The following TENT5A variants were observed in gnomAD, a reference collection of about 807,000 sequenced individuals.
The protein encoded by TENT5A is HBV X-transactivated gene 11 protein.
In TENT5A, 9 loss-of-function variants were observed where a neutral mutation model predicts 30.2. The observed-to-expected ratio is 0.30, with a 90% CI of 0.18 to 0.52. The LOEUF (loss-of-function observed/expected upper bound fraction) is 0.52, where lower values mean the gene tolerates loss of function less well. Ranked by LOEUF, TENT5A falls within the 20% of genes least tolerant of loss-of-function variation. The probability of loss-of-function intolerance (pLI) is 0.97; values close to 1 mark genes in which losing one functional copy is unlikely to be tolerated. For missense variants in TENT5A, 411 were observed against 566.1 expected, an observed-to-expected ratio of 0.73 and a Z score of 2.78; for synonymous variants, 264 against 234.2, an observed-to-expected ratio of 1.13 and a Z score of -1.16.
Position 81,748,342 on chromosome 6 carries a change from CA to C in TENT5A, c.*1352del. 1.0e-6 allele frequency: 1 copy of C among 971,062 alleles called. No individual in the cohort carries two copies. Among genetic ancestry groups the C allele is most frequent in the Non-Finnish European group, 1.2e-6 (1 of 825,892 alleles). 60.2% of individuals were successfully genotyped at this position (971,062 alleles called of 1,614,324 possible). On this transcript the variant is annotated 3_prime_UTR_variant, in exon 3 of 3. Coordinates refer to ENST00000320172, the MANE Select transcript of TENT5A (RefSeq NM_017633.3). ...TTCAATATAAAAAAGAGTGCTCTGC[CA>C]AACAAATATTCTCCCATTTGTGGAA...
In TENT5A at chr6:81,750,440, C is replaced by A; in HGVS notation, c.584G>T (p.Cys195Phe). The A allele has an allele frequency of 6.4e-7, 1 of 1,571,528 alleles. No homozygotes were observed. The highest frequency in any genetic ancestry group is 1.4e-5 in the African/African-American group (1 of 73,210). ...AAGACTCCATCGGTCAGAGTCATTG[C>A]ACACTTTAACCATTTTCTGCACATA... is the stretch of plus-strand genomic sequence containing the variant. ...EAYVQKMVKV[C>F]NDSDRWSLIS... is the part of the protein sequence containing the mutation. Residue 195 changes from cysteine to phenylalanine, a missense_variant, in exon 3 of 3, where the codon TGC becomes TTC. Coordinates refer to ENST00000320172, the MANE Select transcript of TENT5A (RefSeq NM_017633.3). This position sits in a 1 kb window ranked among gnomAD's most constrained non-coding sequence, Gnocchi z 4.2.
In TENT5A at chr6:81,752,425, T is replaced by A. The variant is rs1324608116; in HGVS notation, c.-38+6A>T. 6.5e-7 allele frequency: 1 copy of A among 1,550,014 alleles called. No individual in the cohort carries two copies. Reference sequence around the variant, plus strand: ...AAAGCGCAAGCGAGAGTCCCGTCTGTGTCACCTGGAGGCGGCCGCCCCTTC... The same window carrying A: ...AAAGCGCAAGCGAGAGTCCCGTCTGAGTCACCTGGAGGCGGCCGCCCCTTC... On this transcript the variant is annotated splice_donor_region_variant and intron_variant, in intron 1 of 2. Transcript: ENST00000320172.
chr6:81,747,264 A>C lies in TENT5A; in HGVS notation c.*2431T>G. The C allele has an allele frequency of 3.0e-6, 3 of 985,776 alleles. No homozygotes were observed. In the South Asian group the frequency reaches 1.4e-4, roughly 46 times the overall value. The allele number at this position is 985,776 out of a possible 1,614,324, so 61.1% of individuals were successfully genotyped here. A position where few individuals can be genotyped will look rare whatever the true frequency, so the allele number is the denominator to read the frequency against. Reference sequence around the variant, plus strand: ...TCAGAAAACTTTGAAACAACTAAGCAGGCGGAGCTCTGGTTTCTGATAGGT... The same window carrying C: ...TCAGAAAACTTTGAAACAACTAAGCCGGCGGAGCTCTGGTTTCTGATAGGT... On this transcript the variant is annotated 3_prime_UTR_variant, in exon 3 of 3. Transcript: ENST00000320172.
Position 81,746,199 on chromosome 6 carries a change from T to C in TENT5A, c.*3496A>G. The stretch of plus-strand genomic sequence containing the variant: ...TAGATGCTATATATGAAATTACTTT[T>C]TTTGGCTTTTTGGTTTCACCTAACA... On this transcript the variant is annotated 3_prime_UTR_variant, in exon 3 of 3. Transcript: ENST00000320172. 9.3e-7 allele frequency: 1 copy of C among 1,070,702 alleles called. No homozygotes were observed. Among genetic ancestry groups the C allele is most frequent in the Non-Finnish European group, 1.1e-6 (1 of 885,676 alleles). 66.3% of individuals were successfully genotyped at this position (1,070,702 alleles called of 1,614,324 possible).
At chr6:81,752,355 C>A in intron 1 of TENT5A, 76 bp downstream of exon 1, 5 of 1,549,692 alleles carry the variant, frequency 3.2e-6, no homozygotes, top group Non-Finnish European at 4.4e-6. Flanking sequence ...GCGCACCGCG[C>A]CCCGCAGAGC....
chr6:81,746,475 T>C lies in TENT5A; in HGVS notation c.*3220A>G. ...CATCCTTGCATTTTTGGAGCTACAT[T>C]ATTAGTCCATCCAATACCAAAGTGA... On this transcript the variant is annotated 3_prime_UTR_variant, in exon 3 of 3. Coordinates refer to ENST00000320172, the MANE Select transcript of TENT5A (RefSeq NM_017633.3). 1 of 1,232,040 alleles carries C rather than the reference T, an allele frequency of 8.1e-7. No individual in the cohort carries two copies. Among genetic ancestry groups the C allele is most frequent in the Non-Finnish European group, 1.0e-6 (1 of 987,862 alleles). 76.3% of individuals were successfully genotyped at this position (1,232,040 alleles called of 1,614,324 possible). A position where few individuals can be genotyped will look rare whatever the true frequency, so the allele number is the denominator to read the frequency against.
rs768814618 is a variant in TENT5A at position 81,749,976 on chromosome 6, G to A, written c.1048C>T (p.Arg350Cys). 6 of 1,614,060 alleles carry A rather than the reference G, an allele frequency of 3.7e-6. No individual in the cohort carries two copies. The highest frequency in any genetic ancestry group is 3.3e-5 in the South Asian group (3 of 91,074). Residue 350 changes from arginine (R) to cysteine (C), a missense_variant, in exon 3 of 3, where the codon CGC (arginine) becomes TGC (cysteine). Arg to Cys is a radical substitution (Grantham distance 180). This residue lies in a region of TENT5A where 135 missense variants were observed against 240.0 expected (regional missense o/e 0.56). Transcript: ENST00000320172. ...AGGGTCATGAGATACTCATACTTGCGGTCTTCCAATCCCACAAAGTGGTTC... is the reference window on the plus strand; with the variant it reads ...AGGGTCATGAGATACTCATACTTGCAGTCTTCCAATCCCACAAAGTGGTTC... Reference protein sequence around the residue: ...LQNHFVGLEDRKYEYLMTLHG... With the variant: ...LQNHFVGLEDCKYEYLMTLHG...
chr6:81,752,055 G>GCCGCCGAAGTCGCCA lies in TENT5A; in HGVS notation c.86_87insTGGCGACTTCGGCGG (p.Asp41_Gly45dup). 6.3e-7 allele frequency: 1 copy of GCCGCCGAAGTCGCCA among 1,598,386 alleles called. No homozygotes were observed. The stretch of plus-strand genomic sequence containing the variant: ...CGAAGTCGCCGCCGCCGAAGTCGCC[G>GCCGCCGAAGTCGCCA]CCGCCGAAGTCGCCGCCTAGGGGGA... On this transcript the variant is annotated inframe_insertion, in exon 2 of 3. Transcript: ENST00000320172.
chr6:81,748,785 T>C lies in TENT5A; in HGVS notation c.*910A>G, dbSNP rs1373402854. On this transcript the variant is annotated 3_prime_UTR_variant, in exon 3 of 3. Coordinates refer to ENST00000320172, the MANE Select transcript of TENT5A (RefSeq NM_017633.3). ...CTCCACCATTCACAAGCTTATGTTA[T>C]TTTCTTCTTGAGGCAGTCCCTGATA... is the stretch of plus-strand genomic sequence containing the variant. 1.0e-6 allele frequency: 1 copy of C among 985,590 alleles called. No individual in the cohort carries two copies. The highest frequency in any genetic ancestry group is 1.2e-6 in the Non-Finnish European group (1 of 829,802). The allele number at this position is 985,590 out of a possible 1,614,324, so 61.1% of individuals were successfully genotyped here.
chr6:81,745,907 T>G lies in TENT5A; in HGVS notation c.*3788A>C. On this transcript the variant is annotated 3_prime_UTR_variant, in exon 3 of 3. Coordinates refer to ENST00000320172, the MANE Select transcript of TENT5A (RefSeq NM_017633.3). ...CTATAGTCAAAATATTCCAAAAGAG[T>G]GACCCAAGGTGCAGCTTGCTGCAAC... 4.1e-6 allele frequency: 4 copies of G among 985,336 alleles called. No homozygotes were observed. Among genetic ancestry groups the G allele is most frequent in the Non-Finnish European group, 4.8e-6 (4 of 829,924 alleles). 61.0% of individuals were successfully genotyped at this position (985,336 alleles called of 1,614,324 possible).
At position 81,749,674 on chromosome 6, in the gene TENT5A, C is replaced by T. The variant is rs754508310; in HGVS notation, c.*21G>A. 3 of 1,585,252 alleles carry T rather than the reference C, an allele frequency of 1.9e-6. No homozygotes were observed. In the East Asian group the frequency reaches 6.8e-5, roughly 36 times the overall value. ...TGTCTTGTCTGAAATGGCTTCCCCACAGGACATTTTTAAATGATTCTTAAT... is the reference window on the plus strand; with the variant it reads ...TGTCTTGTCTGAAATGGCTTCCCCATAGGACATTTTTAAATGATTCTTAAT... On this transcript the variant is annotated 3_prime_UTR_variant, in exon 3 of 3. Coordinates refer to ENST00000320172, the MANE Select transcript of TENT5A (RefSeq NM_017633.3).
Position 81,747,713 on chromosome 6 carries a change from G to T in TENT5A, c.*1982C>A, listed in dbSNP as rs1389711212. 4 of 985,726 alleles carry T rather than the reference G, an allele frequency of 4.1e-6. No homozygotes were observed. The African/African-American group carries it at 7.0e-5, about 17-fold the overall frequency. The allele number at this position is 985,726 out of a possible 1,614,324, so 61.1% of individuals were successfully genotyped here. Reference sequence around the variant, plus strand: ...TAGCAAGCAGTCATCCACTAAGGTTGTGGAGATTATGTGGTTGTTTCACAA... The same window carrying T: ...TAGCAAGCAGTCATCCACTAAGGTTTTGGAGATTATGTGGTTGTTTCACAA... On this transcript the variant is annotated 3_prime_UTR_variant, in exon 3 of 3. Coordinates refer to ENST00000320172, the MANE Select transcript of TENT5A (RefSeq NM_017633.3).
Position 81,747,964 on chromosome 6 carries a change from C to T in TENT5A, c.*1731G>A. On this transcript the variant is annotated 3_prime_UTR_variant, in exon 3 of 3. Coordinates refer to ENST00000320172, the MANE Select transcript of TENT5A (RefSeq NM_017633.3). ...ATTTAATGGAAAGCGATTTAAAGTA[C>T]AGTACTAAATATTTAAATGCAGTGT... 3.0e-6 allele frequency: 3 copies of T among 984,282 alleles called. No individual in the cohort carries two copies. Among genetic ancestry groups the T allele is most frequent in the South Asian group, 4.7e-5 (1 of 21,240 alleles). 61.0% of individuals were successfully genotyped at this position (984,282 alleles called of 1,614,324 possible).
rs558323907 is a variant in TENT5A, at chr6:81,746,553, T to A, written c.*3142A>T. 5.0e-5 allele frequency: 61 copies of A among 1,231,994 alleles called. 1 individual carries two copies. In the East Asian group the frequency reaches 1.7e-3, roughly 35 times the overall value. 76.3% of individuals were successfully genotyped at this position (1,231,994 alleles called of 1,614,324 possible). ...GGAAATGTCCATCTTGGTGTAGGAG[T>A]TCTTGAGGCAGCTGGATTTACTGCA... is the stretch of plus-strand genomic sequence containing the variant. On this transcript the variant is annotated 3_prime_UTR_variant, in exon 3 of 3. Coordinates refer to ENST00000320172, the MANE Select transcript of TENT5A (RefSeq NM_017633.3).
At position 81,748,618 on chromosome 6, in the gene TENT5A, T is replaced by A; in HGVS notation, c.*1077A>T. 1 of 937,724 alleles carries A rather than the reference T, an allele frequency of 1.1e-6. No individual in the cohort carries two copies. The allele number at this position is 937,724 out of a possible 1,614,324, so 58.1% of individuals were successfully genotyped here. A position where few individuals can be genotyped will look rare whatever the true frequency, so the allele number is the denominator to read the frequency against. On this transcript the variant is annotated 3_prime_UTR_variant, in exon 3 of 3. Transcript: ENST00000320172. ...GATCATAGTCAATCTACTGTGTATA[T>A]ATACATATAAAATGTATATATAAAA...
chr6:81,749,617 C>CTTTTTTTTTTTT lies in TENT5A; in HGVS notation c.*77_*78insAAAAAAAAAAAA. Reference sequence around the variant, plus strand: ...CATCCCTAATAAGGGCTGGATCACTCTTTTTTTTTTCTTTTTTTTTTTTTT... The same window carrying CTTTTTTTTTTTT: ...CATCCCTAATAAGGGCTGGATCACTCTTTTTTTTTTTTTTTTTTTTTTCTTTTTTTTTTTTTT... On this transcript the variant is annotated 3_prime_UTR_variant, in exon 3 of 3. Transcript: ENST00000320172. 7.3e-7 allele frequency: 1 copy of CTTTTTTTTTTTT among 1,370,996 alleles called. No homozygotes were observed. The highest frequency in any genetic ancestry group is 2.5e-5 in the East Asian group (1 of 39,364). The allele number at this position is 1,370,996 out of a possible 1,614,324, so 84.9% of individuals were successfully genotyped here.
chr6:81,747,169 G>A lies in TENT5A; in HGVS notation c.*2526C>T. On this transcript the variant is annotated 3_prime_UTR_variant, in exon 3 of 3. Coordinates refer to ENST00000320172, the MANE Select transcript of TENT5A (RefSeq NM_017633.3). ...CTTTAAAATAGTAGACGACTCATTT[G>A]TCAAGAGTTAGGGTAAGAAAGCAGA... 3.0e-6 allele frequency: 3 copies of A among 985,328 alleles called. No individual in the cohort carries two copies. The highest frequency in any genetic ancestry group is 3.5e-5 in the African/African-American group (2 of 57,360). 61.0% of individuals were successfully genotyped at this position (985,328 alleles called of 1,614,324 possible). A position where few individuals can be genotyped will look rare whatever the true frequency, so the allele number is the denominator to read the frequency against.
At position 81,745,779 on chromosome 6, in the gene TENT5A, A is replaced by T; in HGVS notation, c.*3916T>A. ...ATTTACAAAAAAATCCAAATATTGG[A>T]TGCTGTAAACAAAATTCACAATCTG... On this transcript the variant is annotated 3_prime_UTR_variant, in exon 3 of 3. Coordinates refer to ENST00000320172, the MANE Select transcript of TENT5A (RefSeq NM_017633.3). The T allele has an allele frequency of 1.0e-6, 1 of 985,526 alleles. No individual in the cohort carries two copies. 61.0% of individuals were successfully genotyped at this position (985,526 alleles called of 1,614,324 possible).
chr6:81,749,044 G>A lies in TENT5A; in HGVS notation c.*651C>T, dbSNP rs897249110. The A allele has an allele frequency of 4.9e-5, 48 of 985,582 alleles. No individual in the cohort carries two copies. The highest frequency in any genetic ancestry group is 5.7e-5 in the Non-Finnish European group (47 of 829,872). 61.1% of individuals were successfully genotyped at this position (985,582 alleles called of 1,614,324 possible). The stretch of plus-strand genomic sequence containing the variant: ...CATTTTAAAAATGTGATCTATGCAC[G>A]CAGCTGGAATTAATGGATTGTGTCA... On this transcript the variant is annotated 3_prime_UTR_variant, in exon 3 of 3. Coordinates refer to ENST00000320172, the MANE Select transcript of TENT5A (RefSeq NM_017633.3).
Sources: allele counts gnomAD v4.1 joint callset, GRCh38; gene constraint gnomAD v4.1.1; regional missense constraint gnomAD v4.1.1; non-coding constraint Gnocchi (gnomAD v3.1); transcripts MANE v1.5; gene names NCBI Gene and HGNC (gene_info 2026-07-23, HGNC 2026-07-21).